Variants in ATG7 observed in about 807,000 individuals in gnomAD.
ATG7 encodes the protein autophagy related 7.
Under a neutral mutation model 82.4 loss-of-function variants are expected in ATG7, and 70 were observed. The ratio of observed to expected loss-of-function variants is 0.85; its 90% CI spans 0.70 to 1.04. ATG7 has a LOEUF of 1.04. Ranked by LOEUF, ATG7 falls within the 50% of genes least tolerant of loss-of-function variation. The pLI is 0.00. For synonymous variants in ATG7, 287 were observed against 313.0 expected, an observed-to-expected ratio of 0.92 and a Z score of 0.88; for missense variants, 792 against 864.3, an observed-to-expected ratio of 0.92 and a Z score of 1.05.
At chr3:11,543,098 C>T (rs549875730) in intron 20 of ATG7, among the ~76,000 whole-genome samples, 21 of 152,112 alleles carry the variant, frequency 1.4e-4, no homozygotes, top group African/African-American at 4.8e-4. Context: ...ACCGACCCCA[C>T]GGTGCAGGAG....
At chr3:11,332,852 G>A in intron 10 of ATG7, 120 bp from the exon 11 acceptor site, 1 of 1,044,126 alleles carries the variant, frequency 9.6e-7, no homozygotes, top group Non-Finnish European at 1.3e-6. Flanking sequence ...TATCAGAGAG[G>A]CATAATTAGA....
chr3:11,568,430 C>T, the ATG7 span, among the ~76,000 whole-genome samples: 2 of 152,212 alleles, frequency 1.3e-5, no homozygotes, highest in African/African-American at 4.8e-5. The surrounding 1 kb of genome is among the most constrained non-coding windows in gnomAD (Gnocchi z 5.9). Context: ...CCCCACTGTG[C>T]GCCCACCCTA....
chr3:11,446,795 G>T (rs1020959357), intron 20 of ATG7: 1 of 190,724 alleles, frequency 5.2e-6, no homozygotes, highest in African/African-American at 2.4e-5. Flanking sequence ...GCTCCAGGGG[G>T]AGGTGGTTGA....
chr3:11,484,369 G>A (rs940772609), intron 20 of ATG7, among the ~76,000 whole-genome samples: 8 of 152,046 alleles, frequency 5.3e-5, no homozygotes, highest in Non-Finnish European at 7.4e-5. Flanking sequence ...ACTCTAGCCC[G>A]GATGACAGGA....
chr3:11,289,237 G>A (rs1944561777), intron 3 of ATG7, among the ~76,000 whole-genome samples: 1 of 152,148 alleles, frequency 6.6e-6, no homozygotes, highest in South Asian at 2.1e-4. Flanking sequence ...TCAGGAAGTA[G>A]GTAATGTTTG....
At chr3:11,430,588 T>C (rs1349254256) in intron 20 of ATG7, among the ~76,000 whole-genome samples, 1 of 152,222 alleles carries the variant, frequency 6.6e-6, no homozygotes, top group Non-Finnish European at 1.5e-5. Flanking sequence ...CATTATATAC[T>C]TTGTTTATAA....
intron 20 of ATG7, among the ~76,000 whole-genome samples, chr3:11,440,871 A>G (rs1179521347): frequency 2.0e-5 from 3 of 150,488 alleles, no homozygotes; most frequent in African/African-American, 7.3e-5. Flanking sequence ...TTTAGTAGAG[A>G]TGGGGTTTTG....
At chr3:11,381,587 AT>A (rs1168928818) in intron 19 of ATG7, among the ~76,000 whole-genome samples, 8 of 152,192 alleles carry the variant, frequency 5.3e-5, no homozygotes, top group Middle Eastern at 6.3e-3. Context: ...ATAGCTTAGC[AT>A]TTTTCTTTCA....
chr3:11,295,195 G>A (rs1180153033), intron 3 of ATG7, among the ~76,000 whole-genome samples: 1 of 152,208 alleles, frequency 6.6e-6, no homozygotes, highest in East Asian at 1.9e-4. Context: ...ATGTGATGCT[G>A]CAAGCCACAC....
At position 11,426,918 on chromosome 3, in the gene ATG7, G is replaced by A. The variant is rs773064751; in HGVS notation, c.2071G>A (p.Ala691Thr). ...GLTLLHQETQAAEIWDMSDDE... is the reference protein window; with the variant it reads ...GLTLLHQETQTAEIWDMSDDE... Reference sequence around the variant, plus strand: ...TACATTGCTGCATCAAGAAACCCAAGCTGCTGAGGTAAGAACAAAACAAGC... The same window carrying A: ...TACATTGCTGCATCAAGAAACCCAAACTGCTGAGGTAAGAACAAAACAAGC... The change falls in exon 20 of 21, where the codon GCT becomes ACT. Residue 691 changes from alanine to threonine, a missense_variant. Coordinates refer to ENST00000693202, the MANE Select transcript of ATG7 (RefSeq NM_001349232.2). The A allele has an allele frequency of 6.2e-7, 1 of 1,600,622 alleles. No individual in the cohort carries two copies. Among genetic ancestry groups the A allele is most frequent in the Non-Finnish European group, 8.5e-7 (1 of 1,175,344 alleles).
intron 20 of ATG7, among the ~76,000 whole-genome samples, chr3:11,549,778 T>C (rs1182875793): frequency 6.6e-6 from 1 of 152,230 alleles, no homozygotes; most frequent in Non-Finnish European, 1.5e-5. Flanking sequence ...GATCACATGG[T>C]GAGCGCACAC....
chr3:11,568,882 C>G, the ATG7 span: 1 of 1,337,260 alleles, frequency 7.5e-7, no homozygotes, highest in Non-Finnish European at 9.6e-7. This position sits in a 1 kb window ranked among gnomAD's most constrained non-coding sequence, Gnocchi z 5.9. Flanking sequence ...CTGCACGGCA[C>G]CCGGCCCCGC....
Position 11,313,368 on chromosome 3 carries a change from T to G in ATG7, c.476T>G (p.Leu159Ter), listed in dbSNP as rs745728273. ...CCTGCCCTCTGTCTTCCAGAGAGTT[T>G]ACCTCTCATTCAGGGGCCAGTGGGT... is the stretch of plus-strand genomic sequence containing the variant. ...CYPALCLPES[L>*]PLIQGPVGLD... The change falls in exon 8 of 21, where the codon TTA becomes TGA. Residue 159 changes from leucine (L) to a stop codon, truncating the protein, a stop_gained. Coordinates refer to ENST00000693202, the MANE Select transcript of ATG7 (RefSeq NM_001349232.2). LOFTEE classifies it high-confidence loss of function. 1 of 1,613,378 alleles carries G rather than the reference T, an allele frequency of 6.2e-7. No homozygotes were observed. Among genetic ancestry groups the G allele is most frequent in the Admixed American group, 1.7e-5 (1 of 59,958 alleles).
intron 19 of ATG7, among the ~76,000 whole-genome samples, chr3:11,408,008 C>G (rs1312037875): frequency 2.0e-5 from 3 of 152,206 alleles, no homozygotes; most frequent in African/African-American, 7.2e-5. Flanking sequence ...AATTTCTCCT[C>G]AGAAAATGGG....
intron 20 of ATG7, among the ~76,000 whole-genome samples, chr3:11,525,040 T>C (rs2092541177): frequency 1.3e-5 from 2 of 151,414 alleles, no homozygotes; most frequent in Admixed American, 6.6e-5. Flanking sequence ...ACTTTATTTA[T>C]TTATTTATTT....
At chr3:11,398,364 G>A (rs62245870) in intron 19 of ATG7, among the ~76,000 whole-genome samples, 125,361 of 151,950 alleles carry the variant, frequency 0.83, 51,918 homozygotes, top group East Asian at 1. Context: ...GAGTGAAATT[G>A]TATAGATGTA....
At chr3:11,490,153 A>G (rs150643138) in intron 20 of ATG7, among the ~76,000 whole-genome samples, 78,775 of 151,748 alleles carry the variant, frequency 0.52, 21,380 homozygotes, top group East Asian at 0.66. Context: ...TTATGAATCT[A>G]GGTGCTCCTG....
At chr3:11,499,981 A>G (rs2091198603) in intron 20 of ATG7, among the ~76,000 whole-genome samples, 1 of 152,166 alleles carries the variant, frequency 6.6e-6, no homozygotes, top group African/African-American at 2.4e-5. Flanking sequence ...GATGGGCCAC[A>G]AACGCCACAA....
intron 11 of ATG7, among the ~76,000 whole-genome samples, chr3:11,337,642 T>TTTA (rs1952758437): frequency 6.6e-6 from 1 of 151,938 alleles, no homozygotes; most frequent in Admixed American, 6.6e-5. Context: ...GGCTATAGCC[T>TTTA]TTATTATTAT....
Sources: allele counts gnomAD v4.1 joint callset (sites outside exome capture counted in the v4.1 genomes callset), GRCh38; gene constraint gnomAD v4.1.1; non-coding constraint Gnocchi (gnomAD v3.1); transcripts MANE v1.5; gene names NCBI Gene and HGNC (gene_info 2026-07-23, HGNC 2026-07-21).